Variants in GALK1 observed in about 807,000 individuals in gnomAD.
GALK1 encodes the protein galactokinase 1.
A neutral mutation model predicts 38.6 loss-of-function variants in GALK1; 30 were observed. The observed-to-expected ratio is 0.78, with a 90% CI of 0.58 to 1.05. The LOEUF is 1.05. GALK1 is among the 50% of genes least tolerant of loss of function. The probability of loss-of-function intolerance (pLI) is 0.00; values close to 1 mark genes in which losing one functional copy is unlikely to be tolerated. For synonymous variants in GALK1, 240 were observed against 233.6 expected, an observed-to-expected ratio of 1.03 and a Z score of -0.25; for missense variants, 512 against 540.5, an observed-to-expected ratio of 0.95 and a Z score of 0.52.
At chr17:75,755,163 G>A (rs374123780), downstream of GALK1, 17 of 1,611,438 alleles carry the variant, frequency 1.1e-5, no homozygotes, top group Middle Eastern at 1.8e-4. Context: ...AGGGGCCCAC[G>A]AGACTCTATA....
At chr17:75,758,419 G>A (rs368974825) in intron 6 of GALK1, 30 bp downstream of exon 6, 56 of 1,575,200 alleles carry the variant, frequency 3.6e-5, no homozygotes, top group African/African-American at 2.4e-4. Context: ...GCCTGTGCCC[G>A]GCAGGAGCGG....
downstream of GALK1, chr17:75,755,035 CTT>C (rs1568384601): frequency 3.1e-6 from 5 of 1,589,040 alleles, no homozygotes; most frequent in African/African-American, 1.3e-5. Context: ...TCCTCTCACT[CTT>C]GTTTTGTCCT....
rs779996721 is a variant in GALK1, at chr17:75,764,966, C to T, written c.165+6G>A. ...CGGGCTAGGGGCTCCCCGTGCAGCC[C>T]CTCACCATAGGCAGCACCAGGCCCT... On this transcript the variant is annotated splice_donor_region_variant and intron_variant, in intron 1 of 7. Coordinates refer to ENST00000588479, the MANE Select transcript of GALK1 (RefSeq NM_000154.2). The T allele has an allele frequency of 6.2e-5, 100 of 1,606,350 alleles. No homozygotes were observed. Among genetic ancestry groups the T allele is most frequent in the Non-Finnish European group, 7.6e-6 (9 of 1,177,254 alleles).
At chr17:75,757,353 G>T (rs376386092), downstream of GALK1, 2 of 1,612,594 alleles carry the variant, frequency 1.2e-6, no homozygotes, top group Non-Finnish European at 1.7e-6. Context: ...CCTGGGACAG[G>T]GAGCTAGCAG....
chr17:75,756,785 G>A (rs776707368), downstream of GALK1: 1 of 1,612,754 alleles, frequency 6.2e-7, no homozygotes, highest in Admixed American at 1.7e-5. Flanking sequence ...CTGCAGCTGA[G>A]CTGGGAGCGG....
chr17:75,753,723 C>T, downstream of GALK1: 1 of 1,311,470 alleles, frequency 7.6e-7, no homozygotes, highest in Non-Finnish European at 9.8e-7. Flanking sequence ...CTCGGCCCGG[C>T]GCCCCCCGGC....
chr17:75,763,616 C>A, intron 2 of GALK1, 177 bp from the exon 3 acceptor site: 1 of 761,594 alleles, frequency 1.3e-6, no homozygotes, highest in Non-Finnish European at 2.2e-6. Flanking sequence ...CTCCATTTTC[C>A]CACCCTCTGA....
In GALK1 at chr17:75,765,100, G is replaced by A; in HGVS notation, c.37C>T (p.Leu13=). The A allele has an allele frequency of 6.3e-7, 1 of 1,588,312 alleles. No homozygotes were observed. Among genetic ancestry groups the A allele is most frequent in the Non-Finnish European group, 8.6e-7 (1 of 1,168,658 alleles). ...ALRQPQVAEL[L]AEARRAFREE... ...CGGAAGGCTCGCCGGGCCTCGGCCA[G>A]CAGCTCCGCGACCTGGGGCTGTCTC... Residue 13 remains leucine (L), a synonymous_variant, in exon 1 of 8, where the codon CTG becomes TTG. Coordinates refer to ENST00000588479, the MANE Select transcript of GALK1 (RefSeq NM_000154.2).
intron 8 of GALK1, chr17:75,751,787 C>A: frequency 3.2e-6 from 1 of 309,134 alleles, no homozygotes; most frequent in East Asian, 8.1e-5. Context: ...TTTTATCTAG[C>A]AGCCCGAGAT....
Position 75,758,073 on chromosome 17 carries a change from T to C in GALK1, c.1162A>G (p.Lys388Glu). 6.2e-7 allele frequency: 1 copy of C among 1,612,780 alleles called. No individual in the cohort carries two copies. Among genetic ancestry groups the C allele is most frequent in the Non-Finnish European group, 8.5e-7 (1 of 1,179,958 alleles). Residue 388 changes from lysine (K) to glutamate (E), a missense_variant, in exon 8 of 8, where the codon AAG becomes GAG. Transcript: ENST00000588479. ...GGGGTGCCTCACAAGCACAGCACCT[T>C]GGCTCCATCGGCTGCTTGAGAGAGG... ...FYLSQAADGA[K>E]VLCL
intron 5 of GALK1, among the ~76,000 whole-genome samples, chr17:75,761,689 G>C (rs1288807740): frequency 6.8e-6 from 1 of 148,136 alleles, no homozygotes; most frequent in East Asian, 2.0e-4. Context: ...GATAAGATAG[G>C]GTTCTGGGTT....
In GALK1 at chr17:75,762,676, C is replaced by T. The variant is rs1306271508; in HGVS notation, c.793+28G>A. 6 of 1,612,826 alleles carry T rather than the reference C, an allele frequency of 3.7e-6. No homozygotes were observed. In the African/African-American group the frequency reaches 8.0e-5, roughly 22 times the overall value. ...CGCCAGCAGGGAGCACAGCCGCCTC[C>T]AGGATAGAGCACCCTGGCAGTTCTC... On this transcript the variant is annotated intron_variant, in intron 5 of 7. Transcript: ENST00000588479.
At chr17:75,752,129 A>C (rs1461393983) in intron 8 of GALK1, 1 of 1,599,824 alleles carries the variant, frequency 6.3e-7, no homozygotes, top group African/African-American at 1.3e-5. Flanking sequence ...TGTTGGGACC[A>C]GGCTGGGACC....
At chr17:75,754,854 C>A, downstream of GALK1, 1 of 1,613,498 alleles carries the variant, frequency 6.2e-7, no homozygotes, top group Non-Finnish European at 8.5e-7. Flanking sequence ...CCCACTAACC[C>A]TTCCTCTCTT....
At chr17:75,762,318 T>TA (rs1336439248) in intron 5 of GALK1, among the ~76,000 whole-genome samples, 7 of 138,682 alleles carry the variant, frequency 5.0e-5, no homozygotes, top group Non-Finnish European at 1.1e-4. Flanking sequence ...CCCTGCCTCT[T>TA]AAAAAAAAGG....
chr17:75,758,700 G>A, intron 5 of GALK1, 101 bp from the exon 6 acceptor site: 1 of 1,464,128 alleles, frequency 6.8e-7, no homozygotes, highest in Non-Finnish European at 9.2e-7. Flanking sequence ...TGGCTGGACG[G>A]TGAAGGGTGG....
At chr17:75,754,057 G>A, downstream of GALK1, 1 of 626,880 alleles carries the variant, frequency 1.6e-6, no homozygotes, top group Non-Finnish European at 2.3e-6. Flanking sequence ...CGTCTGCGCT[G>A]CCTCGGGGGC....
rs372222796 is a variant in GALK1 at position 75,752,238 on chromosome 17, G to A, written c.*23-501C>T. ...CTAAGAACCGGATGCTGCTTATTGA[G>A]AACCTTCGGGAGTCCCAGCCCTACC... On this transcript the variant is annotated intron_variant, in intron 8 of 8. Transcript: ENST00000225614. 30 of 1,613,772 alleles carry A rather than the reference G, an allele frequency of 1.9e-5. No homozygotes were observed. Among genetic ancestry groups the A allele is most frequent in the Non-Finnish European group, 2.5e-5 (30 of 1,180,022 alleles).
At chr17:75,760,291 C>T (rs2061581854) in intron 5 of GALK1, among the ~76,000 whole-genome samples, 1 of 151,866 alleles carries the variant, frequency 6.6e-6, no homozygotes, top group Admixed American at 6.6e-5. Context: ...TGGGGTTTTG[C>T]CATGTTGCCC....
Sources: gnomAD v4.1 joint callset for allele counts (sites outside exome capture counted in the v4.1 genomes callset) on GRCh38, gnomAD v4.1.1 for gene constraint, MANE v1.5 for transcripts, NCBI Gene and HGNC (gene_info 2026-07-23, HGNC 2026-07-21) for gene names.